The following CNTN4 variants were observed in gnomAD, a reference collection of about 807,000 sequenced individuals.
The protein encoded by CNTN4 is contactin-4.
CNTN4 carries 77 observed loss-of-function variants against 122.5 expected under a neutral mutation model. The ratio of observed to expected loss-of-function variants is 0.63; its 90% CI spans 0.52 to 0.76. CNTN4 has a LOEUF of 0.76. Ranked by LOEUF, CNTN4 falls within the 30% of genes least tolerant of loss-of-function variation. CNTN4 has a pLI of 0.00. For synonymous variants in CNTN4, 512 were observed against 447.0 expected (o/e 1.15, Z -1.83); for missense variants, 1,256 against 1,259.1 (o/e 1.00, Z 0.04).
In CNTN4 at chr3:2,520,625, A is replaced by T. The variant is rs79332336; in HGVS notation, c.-88-50791A>T. Among the ~76,000 whole-genome samples the T allele has an allele frequency of 7.5e-3, 1,139 of 152,148 alleles. 4 individuals carry two copies. Among genetic ancestry groups the T allele is most frequent in the Non-Finnish European group, 0.012 (830 of 67,976 alleles). On this transcript the variant is annotated intron_variant, in intron 3 of 24. Coordinates refer to ENST00000418658, the MANE Select transcript of CNTN4 (RefSeq NM_175607.3). ...TGATACTCACTGATTAATTGGGCAA[A>T]TAGAGGAAATCTGCAAATGAGAGGG...
intron 13 of CNTN4, among the ~76,000 whole-genome samples, chr3:2,955,453 A>C (rs752609563): frequency 2.6e-5 from 4 of 152,178 alleles, no homozygotes; most frequent in Non-Finnish European, 5.9e-5. Flanking sequence ...TGTCATCCTC[A>C]TTACCACAAA....
At chr3:3,024,179 G>T (rs553007173) in intron 14 of CNTN4, among the ~76,000 whole-genome samples, 1 of 152,096 alleles carries the variant, frequency 6.6e-6, no homozygotes, top group South Asian at 2.1e-4. Context: ...GAATCAGTGG[G>T]CAGCTGTTTA....
chr3:2,276,127 T>G (rs757933427), intron 2 of CNTN4, among the ~76,000 whole-genome samples: 7 of 152,040 alleles, frequency 4.6e-5, no homozygotes, highest in Non-Finnish European at 1.0e-4. Flanking sequence ...TTTAACATTA[T>G]CTGCATTATA....
At chr3:2,544,968 G>A (rs1385900128) in intron 3 of CNTN4, among the ~76,000 whole-genome samples, 1 of 151,968 alleles carries the variant, frequency 6.6e-6, no homozygotes, top group African/African-American at 2.4e-5. Context: ...ATGTTAGGTT[G>A]TTAATTTGAG....
chr3:2,403,767 C>G (rs2046938050), intron 3 of CNTN4, among the ~76,000 whole-genome samples: 1 of 152,142 alleles, frequency 6.6e-6, no homozygotes, highest in Non-Finnish European at 1.5e-5. Flanking sequence ...TCAAAGATGT[C>G]AAACTTCAGG....
At chr3:2,266,425 T>A (rs1243283572) in intron 2 of CNTN4, among the ~76,000 whole-genome samples, 1 of 152,242 alleles carries the variant, frequency 6.6e-6, no homozygotes, top group South Asian at 2.1e-4. Flanking sequence ...TTACGACTAA[T>A]TTTTCTCTTT....
At chr3:2,776,269 T>C (rs2091311337) in intron 6 of CNTN4, among the ~76,000 whole-genome samples, 1 of 50,372 alleles carries the variant, frequency 2.0e-5, no homozygotes, top group African/African-American at 4.4e-5. Context: ...TGGTTATAAG[T>C]GTTTCTTTTT....
chr3:2,800,470 T>G (rs1239661574), intron 6 of CNTN4, among the ~76,000 whole-genome samples: 1 of 152,224 alleles, frequency 6.6e-6, no homozygotes, highest in Middle Eastern at 3.2e-3. Flanking sequence ...TTGAATCTGG[T>G]AATTGTCCAC....
At chr3:2,386,574 C>T (rs921800349) in intron 3 of CNTN4, among the ~76,000 whole-genome samples, 5 of 152,116 alleles carry the variant, frequency 3.3e-5, no homozygotes, top group African/African-American at 9.6e-5. Flanking sequence ...TTTTTGGAGA[C>T]GTTTATGTAA....
At chr3:2,170,070 C>T (rs1473335804) in intron 2 of CNTN4, among the ~76,000 whole-genome samples, 1 of 151,828 alleles carries the variant, frequency 6.6e-6, no homozygotes, top group Non-Finnish European at 1.5e-5. Context: ...GCCTGTAATC[C>T]CAGCACTTTG....
intron 6 of CNTN4, among the ~76,000 whole-genome samples, chr3:2,771,680 G>T (rs2091106579): frequency 6.6e-6 from 1 of 151,968 alleles, no homozygotes; most frequent in African/African-American, 2.4e-5. Flanking sequence ...AAGATCTAAA[G>T]AAAAAAATCT....
At chr3:2,099,674 C>G (rs1211579798) in intron 1 of CNTN4, 1 of 152,274 alleles carries the variant, frequency 6.6e-6, no homozygotes, top group East Asian at 1.9e-4. Flanking sequence ...CAGTCTCTGC[C>G]GCGGGAGCCT....
chr3:2,595,722 C>G (rs935464463), intron 4 of CNTN4, among the ~76,000 whole-genome samples: 1 of 152,144 alleles, frequency 6.6e-6, no homozygotes, highest in South Asian at 2.1e-4. Context: ...ATATCCCTGG[C>G]TGTAGTTGTC....
chr3:2,854,196 C>T (rs2093591625), intron 7 of CNTN4, among the ~76,000 whole-genome samples: 1 of 151,350 alleles, frequency 6.6e-6, no homozygotes, highest in African/African-American at 2.4e-5. Context: ...GGAGCATTAG[C>T]AAGACGCAGG....
At chr3:2,345,143 C>A (rs1010114191) in intron 3 of CNTN4, among the ~76,000 whole-genome samples, 2 of 152,112 alleles carry the variant, frequency 1.3e-5, no homozygotes, top group African/African-American at 2.4e-5. Context: ...ATCCCTGTGG[C>A]CTTACATTAA....
At chr3:3,030,100 A>G (rs986020681) in intron 15 of CNTN4, among the ~76,000 whole-genome samples, 3 of 152,178 alleles carry the variant, frequency 2.0e-5, no homozygotes, top group Admixed American at 6.5e-5. Flanking sequence ...TAACAGGGCT[A>G]TGAACCAAAC....
intron 3 of CNTN4, among the ~76,000 whole-genome samples, chr3:2,388,047 T>C (rs548652819): frequency 6.6e-6 from 1 of 152,352 alleles, no homozygotes; most frequent in East Asian, 1.9e-4. Flanking sequence ...AAGGCTTTTA[T>C]TGGAAATTTA....
At chr3:2,870,343 A>G (rs1470158419) in intron 8 of CNTN4, among the ~76,000 whole-genome samples, 3 of 152,198 alleles carry the variant, frequency 2.0e-5, no homozygotes, top group African/African-American at 2.4e-5. Context: ...CTTAATTTCC[A>G]TGAGTGTTGC....
chr3:2,866,470 A>G (rs764722572), intron 7 of CNTN4: 1 of 1,267,420 alleles, frequency 7.9e-7, no homozygotes, highest in Non-Finnish European at 1.0e-6. Context: ...CTGATTAGCA[A>G]ACTATAAATG....
Sources: allele counts gnomAD v4.1 joint callset (sites outside exome capture counted in the v4.1 genomes callset), GRCh38; gene constraint gnomAD v4.1.1; transcripts MANE v1.5; gene names NCBI Gene and HGNC (gene_info 2026-07-23, HGNC 2026-07-21).